DNAH9: variants seen among roughly 807,000 people sequenced by gnomAD.
DNAH9 encodes DNAH9 variant protein.
DNAH9 carries 345 observed loss-of-function variants against 471.6 expected under a neutral mutation model. The observed-to-expected ratio is 0.73, with a 90% CI of 0.67 to 0.80. The LOEUF (loss-of-function observed/expected upper bound fraction) is 0.80. Ranked by LOEUF, DNAH9 falls within the 30% of genes least tolerant of loss-of-function variation. The pLI is 0.00. For synonymous variants in DNAH9, 2,093 were observed against 2,123.6 expected (o/e 0.99, Z 0.40); for missense variants, 5,407 against 5,609.2 (o/e 0.96, Z 1.15).
At chr17:11,728,336 A>C (rs1375984688) in intron 28 of DNAH9, among the ~76,000 whole-genome samples, 1 of 152,192 alleles carries the variant, frequency 6.6e-6, no homozygotes, top group Non-Finnish European at 1.5e-5. Context: ...CACCACGCTC[A>C]GCTTAATAAA....
chr17:11,888,872 G>A (rs1972964362), intron 57 of DNAH9, among the ~76,000 whole-genome samples: 2 of 152,148 alleles, frequency 1.3e-5, no homozygotes, highest in African/African-American at 4.8e-5. Flanking sequence ...CTCAGAATAT[G>A]GAAACCCCAG....
intron 22 of DNAH9, among the ~76,000 whole-genome samples, chr17:11,699,202 T>C (rs765514081): frequency 6.6e-6 from 1 of 152,066 alleles, no homozygotes; most frequent in African/African-American, 2.4e-5. Flanking sequence ...TGAGCCAAGA[T>C]TGCGCCACTG....
At chr17:11,766,103 T>TAAAAGC in intron 36 of DNAH9, among the ~76,000 whole-genome samples, 1 of 152,128 alleles carries the variant, frequency 6.6e-6, no homozygotes, top group East Asian at 1.9e-4. Context: ...GGAGAAAGCT[T>TAAAAGC]TTAGCAGCAG....
intron 67 of DNAH9, among the ~76,000 whole-genome samples, chr17:11,942,792 G>C (rs947727881): frequency 1.4e-4 from 21 of 152,138 alleles, no homozygotes; most frequent in African/African-American, 5.1e-4. Context: ...CTAGCACAGA[G>C]CCTGTTAATT....
In DNAH9 at chr17:11,934,055, A is replaced by G. The variant is rs750120608; in HGVS notation, c.12473A>G (p.Tyr4158Cys). 3 of 1,613,842 alleles carry G rather than the reference A, an allele frequency of 1.9e-6. No homozygotes were observed. The highest frequency in any genetic ancestry group is 1.1e-5 in the South Asian group (1 of 91,020). Reference sequence around the variant, plus strand: ...TTCCCACTCCCAGGCAACATGGACTACAATGGTTATCATCAGGTGAGACTC... The same window carrying G: ...TTCCCACTCCCAGGCAACATGGACTGCAATGGTTATCATCAGGTGAGACTC... ...PGFPLPGNMDYNGYHQYIDAE... is the reference protein window; with the variant it reads ...PGFPLPGNMDCNGYHQYIDAE... Residue 4158 changes from tyrosine (Y) to cysteine (C), a missense_variant, in exon 65 of 69, where the codon TAC (tyrosine) becomes TGC (cysteine). Transcript: ENST00000262442.
chr17:11,783,841 A>G, intron 40 of DNAH9, 93 bp downstream of exon 40: 1 of 994,732 alleles, frequency 1.0e-6, no homozygotes, highest in Admixed American at 2.2e-5. Context: ...CTTTTTCCCC[A>G]TGCAGCCTCT....
intron 54 of DNAH9, among the ~76,000 whole-genome samples, chr17:11,880,873 G>A (rs76771165): frequency 6.6e-6 from 1 of 152,272 alleles, no homozygotes; most frequent in South Asian, 2.1e-4. Flanking sequence ...TATAAAGCAC[G>A]TTTGTGGAAA....
In DNAH9 at chr17:11,892,652, G is replaced by A. The variant is rs1298742119; in HGVS notation, c.11283+705G>A. ...TGCAATCTCCACCTCCCCAGTTCAAGTGATTCTCCTGCCTCAGGCTCCCGT... is the reference window on the plus strand; with the variant it reads ...TGCAATCTCCACCTCCCCAGTTCAAATGATTCTCCTGCCTCAGGCTCCCGT... On this transcript the variant is annotated intron_variant, in intron 58 of 68. Coordinates refer to ENST00000262442, the MANE Select transcript of DNAH9 (RefSeq NM_001372.4). The surrounding 1 kb of genome is among the most constrained non-coding windows in gnomAD (Gnocchi z 4.3). Among the ~76,000 whole-genome samples, 2 of 152,122 alleles carry A rather than the reference G, an allele frequency of 1.3e-5. No individual in the cohort carries two copies. The highest frequency in any genetic ancestry group is 2.1e-4 in the South Asian group (1 of 4,812).
At chr17:11,843,896 TAG>T (rs557804957) in intron 49 of DNAH9, among the ~76,000 whole-genome samples, 9 of 133,494 alleles carry the variant, frequency 6.7e-5, no homozygotes, top group Middle Eastern at 5.0e-3. Context: ...TATATACACA[TAG>T]AGAGAGAGAG....
At chr17:11,848,931 G>T (rs1388728550) in intron 49 of DNAH9, among the ~76,000 whole-genome samples, 5 of 151,916 alleles carry the variant, frequency 3.3e-5, no homozygotes, top group African/African-American at 4.8e-5. Flanking sequence ...CTGCCTCCCG[G>T]GTTCACGCCA....
intron 26 of DNAH9, among the ~76,000 whole-genome samples, chr17:11,714,171 G>A (rs1453912637): frequency 2.6e-5 from 4 of 152,254 alleles, no homozygotes; most frequent in Admixed American, 6.5e-5. Flanking sequence ...CTATTAATGC[G>A]ATTTCTCACG....
intron 45 of DNAH9, among the ~76,000 whole-genome samples, chr17:11,819,141 A>G (rs559013312): frequency 6.6e-6 from 1 of 152,206 alleles, no homozygotes; most frequent in East Asian, 1.9e-4. Context: ...CCAAGCAATA[A>G]TCCTAGAACC....
At chr17:11,903,040 A>G (rs1022001339) in intron 60 of DNAH9, 128 bp downstream of exon 60, 3 of 1,080,698 alleles carry the variant, frequency 2.8e-6, no homozygotes, top group Non-Finnish European at 3.9e-6. Flanking sequence ...AGAGGGTGGG[A>G]ATAGAAATTA....
At chr17:11,897,532 T>A (rs1207912446) in intron 59 of DNAH9, among the ~76,000 whole-genome samples, 4 of 152,220 alleles carry the variant, frequency 2.6e-5, no homozygotes, top group Non-Finnish European at 4.4e-5. Flanking sequence ...TAATTTCTTG[T>A]AGTCTGATGC....
chr17:11,598,806 T>TC lies in DNAH9; in HGVS notation c.310dup (p.Leu104ProfsTer45), dbSNP rs2072318097. 2.7e-6 allele frequency: 4 copies of TC among 1,480,534 alleles called. No individual in the cohort carries two copies. The highest frequency in any genetic ancestry group is 1.5e-5 in the African/African-American group (1 of 68,354). 91.7% of individuals were successfully genotyped at this position (1,480,534 alleles called of 1,614,324 possible). A position where few individuals can be genotyped will look rare whatever the true frequency, so the allele number is the denominator to read the frequency against. ...CTGGCTGGCGCTAAGGCGCTTTTTT[T>TC]CCTTCGCACCGGGCCCGAGCCTCCA... is the stretch of plus-strand genomic sequence containing the variant. On this transcript the variant is annotated frameshift_variant, in exon 1 of 69. Coordinates refer to ENST00000262442, the MANE Select transcript of DNAH9 (RefSeq NM_001372.4). LOFTEE classifies it high-confidence loss of function.
At chr17:11,761,388 G>A (rs1667461439) in intron 35 of DNAH9, among the ~76,000 whole-genome samples, 1 of 152,188 alleles carries the variant, frequency 6.6e-6, no homozygotes, top group Non-Finnish European at 1.5e-5. Flanking sequence ...GCGGGGTGGA[G>A]AGAAGAGGGG....
chr17:11,806,903 G>A (rs1030346526), intron 43 of DNAH9, among the ~76,000 whole-genome samples: 10 of 152,300 alleles, frequency 6.6e-5, no homozygotes, highest in Middle Eastern at 3.4e-3. Context: ...GCTGAGAGGG[G>A]TTAGACATAC....
At position 11,893,830 on chromosome 17, in the gene DNAH9, TAACA is replaced by T. The variant is rs1261841987; in HGVS notation, c.11284-540_11284-537del. ...CCACCATGGCCCATGTACATCTATG[TAACA>T]AACCTGCACGTTCTGCACATGTATC... On this transcript the variant is annotated intron_variant, in intron 58 of 68. Transcript: ENST00000262442. Among the ~76,000 whole-genome samples the T allele has an allele frequency of 2.0e-5, 3 of 152,340 alleles. No homozygotes were observed. In the East Asian group the frequency reaches 5.8e-4, roughly 29 times the overall value.
chr17:11,705,243 T>C, intron 26 of DNAH9, 58 bp downstream of exon 26: 1 of 1,510,238 alleles, frequency 6.6e-7, no homozygotes, highest in East Asian at 2.3e-5. Context: ...GGCCAGCTAG[T>C]GGGCATCTAG....
Sources: allele counts gnomAD v4.1 joint callset (sites outside exome capture counted in the v4.1 genomes callset), GRCh38; gene constraint gnomAD v4.1.1; non-coding constraint Gnocchi (gnomAD v3.1); transcripts MANE v1.5; gene names NCBI Gene and HGNC (gene_info 2026-07-23, HGNC 2026-07-21).